SPTA1: variants seen among roughly 807,000 people sequenced by gnomAD.
SPTA1 encodes spectrin alpha, erythrocytic 1, also known as spectrin alpha chain, erythrocytic 1.
Under a neutral mutation model 324.7 loss-of-function variants are expected in SPTA1, and 177 were observed. That is an observed-to-expected ratio of 0.55 (90% CI 0.48 to 0.62). SPTA1 has a LOEUF of 0.62. Ranked by LOEUF, SPTA1 falls within the 20% of genes least tolerant of loss-of-function variation. The pLI, the probability that SPTA1 is intolerant of heterozygous loss-of-function variation, is 0.00. For missense variants in SPTA1, 3,162 were observed against 2,883.6 expected, an observed-to-expected ratio of 1.10 and a Z score of -2.21; for synonymous variants, 1,195 against 1,041.3, an observed-to-expected ratio of 1.15 and a Z score of -2.84.
chr1:158,637,499 GTAGATA>G (rs1284541327), intron 36 of SPTA1, among the ~76,000 whole-genome samples: 23 of 152,246 alleles, frequency 1.5e-4, no homozygotes, highest in African/African-American at 4.8e-4. Context: ...TGAAACCTTG[GTAGATA>G]CTTTGTAATA....
chr1:158,662,545 A>T (rs984011470), intron 17 of SPTA1, among the ~76,000 whole-genome samples, 157 bp downstream of exon 17: 1 of 152,208 alleles, frequency 6.6e-6, no homozygotes, highest in African/African-American at 2.4e-5. Flanking sequence ...ATAATTTTTA[A>T]AAATATTTTT....
intron 15 of SPTA1, among the ~76,000 whole-genome samples, chr1:158,666,863 T>C (rs1309595816): frequency 6.6e-6 from 1 of 152,162 alleles, no homozygotes; most frequent in Non-Finnish European, 1.5e-5. Context: ...AGGAGAAGCA[T>C]AATGAGGTTG....
At chr1:158,660,322 A>G (rs1653125393) in intron 18 of SPTA1, among the ~76,000 whole-genome samples, 1 of 152,228 alleles carries the variant, frequency 6.6e-6, no homozygotes. Flanking sequence ...GCAAGCAAAA[A>G]GATGGAGAAA....
At chr1:158,683,600 A>T (rs1654963260) in intron 2 of SPTA1, 104 bp from the exon 3 acceptor site, 4 of 1,455,136 alleles carry the variant, frequency 2.7e-6, no homozygotes, top group Non-Finnish European at 2.9e-6. Flanking sequence ...AGGGTCCCAG[A>T]CTCAGAGGCC....
chr1:158,685,846 T>C (rs1655135458), intron 1 of SPTA1, among the ~76,000 whole-genome samples: 1 of 152,196 alleles, frequency 6.6e-6, no homozygotes, highest in Non-Finnish European at 1.5e-5. Flanking sequence ...ATAAATCTCA[T>C]ATATTTACTC....
intron 49 of SPTA1, 75 bp downstream of exon 49, chr1:158,614,178 G>T: frequency 8.3e-7 from 1 of 1,199,118 alleles, no homozygotes; most frequent in South Asian, 1.3e-5. Flanking sequence ...CACAGAGTGA[G>T]AGAAACATTA....
chr1:158,679,598 C>T (rs1436576542), intron 5 of SPTA1, among the ~76,000 whole-genome samples: 1 of 152,012 alleles, frequency 6.6e-6, no homozygotes, highest in East Asian at 1.9e-4. Context: ...CTCACCAGGG[C>T]CCTAGACATG....
At chr1:158,633,127 T>C (rs1042920895) in intron 39 of SPTA1, among the ~76,000 whole-genome samples, 3 of 152,154 alleles carry the variant, frequency 2.0e-5, no homozygotes, top group African/African-American at 4.8e-5. Flanking sequence ...GACAAACTTA[T>C]AGAAATGTAG....
chr1:158,685,325 T>A lies in SPTA1; in HGVS notation c.47A>T (p.Lys16Met), dbSNP rs201634881. 115 of 1,613,622 alleles carry A rather than the reference T, an allele frequency of 7.1e-5. No individual in the cohort carries two copies. The African/African-American group carries it at 1.4e-3, about 20-fold the overall frequency. The part of the protein sequence containing the change: ...KETVVESSGP[K>M]VLETAEEIQE... Reference sequence around the variant, plus strand: ...GATCTCTTCTGCTGTTTCCAAAACCTTTGGCCCACTGCTCTCCACAACCTG... The same window carrying A: ...GATCTCTTCTGCTGTTTCCAAAACCATTGGCCCACTGCTCTCCACAACCTG... The change falls in exon 2 of 52, where the codon AAG becomes ATG. Residue 16 changes from lysine to methionine, a missense_variant. Lys to Met is a moderately conservative substitution (Grantham distance 95, BLOSUM62 -1). Coordinates refer to ENST00000643759, the MANE Select transcript of SPTA1 (RefSeq NM_003126.4).
intron 45 of SPTA1, among the ~76,000 whole-genome samples, chr1:158,618,425 TA>T (rs1458069756): frequency 6.6e-6 from 1 of 152,214 alleles, no homozygotes; most frequent in African/African-American, 2.4e-5. Context: ...TTTGTTCATT[TA>T]TCGTTGTCAG....
Position 158,677,826 on chromosome 1 carries a change from GTCAC to G in SPTA1, c.817_820del (p.Val273LeufsTer43), listed in dbSNP as rs1654503795. The G allele has an allele frequency of 3.1e-6, 5 of 1,613,562 alleles. No homozygotes were observed. Among genetic ancestry groups the G allele is most frequent in the South Asian group, 2.2e-5 (2 of 91,068 alleles). ...CTCCTTGATCCACTGGATGGCTTCA[GTCAC>G]ATCCCTGCAGTCATTAACAAGAGCT... On this transcript the variant is annotated frameshift_variant, in exon 7 of 52. Transcript: ENST00000643759. LOFTEE classifies it high-confidence loss of function.
At chr1:158,671,300 T>C (rs1163719023) in intron 12 of SPTA1, 43 bp downstream of exon 12, 2 of 1,428,756 alleles carry the variant, frequency 1.4e-6, no homozygotes, top group Non-Finnish European at 9.9e-7. Context: ...AAATTATGTA[T>C]ACAGAGAGGG....
At chr1:158,624,333 G>T (rs901062148) in intron 42 of SPTA1, among the ~76,000 whole-genome samples, 6 of 152,188 alleles carry the variant, frequency 3.9e-5, no homozygotes, top group Non-Finnish European at 7.4e-5. Context: ...GCCCATGAAA[G>T]CACCTAGGAG....
chr1:158,627,979 C>G (rs969000170), intron 39 of SPTA1, among the ~76,000 whole-genome samples: 1 of 152,068 alleles, frequency 6.6e-6, no homozygotes, highest in Non-Finnish European at 1.5e-5. Flanking sequence ...TGTGACTAAT[C>G]TTATTTTGAT....
chr1:158,658,748 G>A (rs1653002064), intron 18 of SPTA1, among the ~76,000 whole-genome samples: 1 of 151,902 alleles, frequency 6.6e-6, no homozygotes, highest in Non-Finnish European at 1.5e-5. Flanking sequence ...ACAGGTAGAG[G>A]GGGAAAAAAA....
intron 25 of SPTA1, 109 bp downstream of exon 25, chr1:158,649,747 C>G: frequency 2.2e-6 from 2 of 894,586 alleles, no homozygotes; most frequent in Non-Finnish European, 3.6e-6. Flanking sequence ...GGCACATTGT[C>G]TCCATCTCAC....
At position 158,620,326 on chromosome 1, in the gene SPTA1, G is replaced by T. The variant is rs768125458; in HGVS notation, c.6261C>A (p.Asp2087Glu). ...GAGCCCTAGCCAGGGAGGCCAAGAA[G>T]TCCTCATGGTCTTTCTGCAGCTGCC... ...EIRQLQKDHEDFLASLARAQA... is the reference protein window; with the variant it reads ...EIRQLQKDHEEFLASLARAQA... Residue 2087 changes from aspartate to glutamate, a missense_variant, in exon 44 of 52, where the codon GAC becomes GAA. Asp to Glu is a conservative substitution (Grantham distance 45). Coordinates refer to ENST00000643759, the MANE Select transcript of SPTA1 (RefSeq NM_003126.4). 1 of 1,613,968 alleles carries T rather than the reference G, an allele frequency of 6.2e-7. No individual in the cohort carries two copies. Among genetic ancestry groups the T allele is most frequent in the South Asian group, 1.1e-5 (1 of 91,082 alleles).
chr1:158,663,056 G>A (rs1653354680), intron 16 of SPTA1, 111 bp from the exon 17 acceptor site: 1 of 1,446,848 alleles, frequency 6.9e-7, no homozygotes. Flanking sequence ...CATATGCATT[G>A]TGTTCTGATC....
rs1218511250 is a variant in SPTA1 at position 158,674,593 on chromosome 1, G to T, written c.1195C>A (p.Pro399Thr). 6.2e-7 allele frequency: 1 copy of T among 1,614,092 alleles called. No homozygotes were observed. The highest frequency in any genetic ancestry group is 8.5e-7 in the Non-Finnish European group (1 of 1,180,000). Residue 399 changes from proline to threonine, a missense_variant, in exon 9 of 52, where the codon CCA becomes ACA. Coordinates refer to ENST00000643759, the MANE Select transcript of SPTA1 (RefSeq NM_003126.4). ...ACTTCTCCACCAGCCACATCTGTTG[G>T]CAGCTCATCAGCATTGATCGCAGCA... The part of the protein sequence containing the change: ...KTAAINADEL[P>T]TDVAGGEVLL...
Sources: gnomAD v4.1 joint callset for allele counts (sites outside exome capture counted in the v4.1 genomes callset) on GRCh38, gnomAD v4.1.1 for gene constraint, MANE v1.5 for transcripts, NCBI Gene and HGNC (gene_info 2026-07-23, HGNC 2026-07-21) for gene names.